Variants in PTPRT observed in about 807,000 individuals in gnomAD.
PTPRT encodes receptor-type tyrosine-protein phosphatase T.
Under a neutral mutation model 176.8 loss-of-function variants are expected in PTPRT, and 56 were observed. That is an observed-to-expected ratio of 0.32 (90% CI 0.26 to 0.40). The LOEUF is 0.40. Among genes scored for constraint, PTPRT ranks in the 10% least tolerant of loss-of-function variants. PTPRT has a pLI of 1.00. For missense variants in PTPRT, 1,540 were observed against 1,908.2 expected, an observed-to-expected ratio of 0.81 and a Z score of 3.60; for synonymous variants, 783 against 739.0, an observed-to-expected ratio of 1.06 and a Z score of -0.96.
Position 42,472,504 on chromosome 20 carries a change from G to A in PTPRT, c.1212C>T (p.Thr404=), listed in dbSNP as rs2071216310. 3.1e-6 allele frequency: 5 copies of A among 1,614,210 alleles called. No homozygotes were observed. The Admixed American group carries it at 6.7e-5, about 22-fold the overall frequency. Reference sequence around the variant, plus strand: ...CGTAGCCGAAGGGCTCCCACTGCAGGGTCAGCTGCCGGGCTCTGATGTCTA... The same window carrying A: ...CGTAGCCGAAGGGCTCCCACTGCAGAGTCAGCTGCCGGGCTCTGATGTCTA... ...EIVDIRARQL[T]LQWEPFGYAV... is the part of the protein sequence containing the mutation. Residue 404 remains threonine (T), a synonymous_variant, in exon 8 of 31, where the codon ACC becomes ACT. Coordinates refer to ENST00000373187, the MANE Select transcript of PTPRT (RefSeq NM_007050.6).
At chr20:42,118,929 C>A (rs759766490) in intron 20 of PTPRT, among the ~76,000 whole-genome samples, 2 of 145,696 alleles carry the variant, frequency 1.4e-5, no homozygotes, top group Admixed American at 1.4e-4. Flanking sequence ...GGGTGCCAGA[C>A]GCTGAGAACA....
At chr20:43,032,220 G>C (rs943591349) in intron 1 of PTPRT, among the ~76,000 whole-genome samples, 2 of 152,106 alleles carry the variant, frequency 1.3e-5, no homozygotes, top group East Asian at 3.9e-4. Context: ...TCAACACAGA[G>C]TGAAACAAAA....
At chr20:43,168,695 C>A (rs1219872545) in intron 1 of PTPRT, among the ~76,000 whole-genome samples, 1 of 152,124 alleles carries the variant, frequency 6.6e-6, no homozygotes, top group African/African-American at 2.4e-5. Context: ...AAACCATGTG[C>A]CCTGCCCCAC....
intron 1 of PTPRT, among the ~76,000 whole-genome samples, chr20:43,081,878 T>A (rs1352412223): frequency 6.6e-6 from 1 of 152,204 alleles, no homozygotes; most frequent in Non-Finnish European, 1.5e-5. Context: ...CAATGGAGAT[T>A]ATCTATTTAC....
chr20:42,055,489 C>T, the PTPRT span, among the ~76,000 whole-genome samples: 3 of 152,172 alleles, frequency 2.0e-5, no homozygotes, highest in Admixed American at 1.3e-4. Context: ...GCCAGGCCAG[C>T]AGTATTTGTT....
intron 1 of PTPRT, among the ~76,000 whole-genome samples, chr20:42,964,236 G>A (rs1982165417): frequency 6.6e-6 from 1 of 152,094 alleles, no homozygotes; most frequent in African/African-American, 2.4e-5. Flanking sequence ...CAAAAATCAA[G>A]TGTATCGAAA....
intron 1 of PTPRT, among the ~76,000 whole-genome samples, chr20:43,064,284 A>G (rs1211546685): frequency 1.3e-5 from 2 of 152,180 alleles, no homozygotes; most frequent in Non-Finnish European, 2.9e-5. Context: ...TGAATTTCAC[A>G]GACCTATAGG....
intron 5 of PTPRT, among the ~76,000 whole-genome samples, chr20:42,769,110 G>C (rs765848233): frequency 6.6e-6 from 1 of 152,208 alleles, no homozygotes; most frequent in Non-Finnish European, 1.5e-5. Flanking sequence ...CTGAGGTGAC[G>C]TGGAGGTTTC....
At chr20:42,738,041 C>A (rs1010912725) in intron 6 of PTPRT, among the ~76,000 whole-genome samples, 7 of 152,096 alleles carry the variant, frequency 4.6e-5, no homozygotes, top group Non-Finnish European at 8.8e-5. Context: ...TCACTGTGCT[C>A]ACTTTGTAGA....
intron 1 of PTPRT, among the ~76,000 whole-genome samples, chr20:43,087,034 T>G (rs2011625623): frequency 6.6e-6 from 1 of 152,270 alleles, no homozygotes; most frequent in Non-Finnish European, 1.5e-5. Context: ...ATCACTTTCT[T>G]AAATTCATGC....
intron 6 of PTPRT, among the ~76,000 whole-genome samples, chr20:42,716,013 G>A (rs1200512564): frequency 1.3e-5 from 2 of 152,040 alleles, no homozygotes; most frequent in Non-Finnish European, 2.9e-5. Flanking sequence ...AAAATACATT[G>A]TTTAAAAAGT....
At chr20:42,102,053 C>A in intron 26 of PTPRT, 71 bp downstream of exon 26, 1 of 1,546,848 alleles carries the variant, frequency 6.5e-7, no homozygotes, top group South Asian at 1.2e-5. Context: ...TGAGGTCCAG[C>A]CACCTCCACC....
chr20:43,072,526 A>G lies in PTPRT; in HGVS notation c.88+117120T>C, dbSNP rs6030630. Among the ~76,000 whole-genome samples, 335 of 152,362 alleles carry G rather than the reference A, an allele frequency of 2.2e-3. 4 individuals are homozygous for G. The highest frequency in any genetic ancestry group is 7.7e-3 in the African/African-American group (321 of 41,598). ...GCTGAATGTGAAATAAACACAAAAT[A>G]AAATCTGGCTGCAAACCTTAGCTCT... On this transcript the variant is annotated intron_variant, in intron 1 of 30. Coordinates refer to ENST00000373187, the MANE Select transcript of PTPRT (RefSeq NM_007050.6).
chr20:42,566,019 G>T (rs942282808), intron 7 of PTPRT, among the ~76,000 whole-genome samples: 1 of 152,110 alleles, frequency 6.6e-6, no homozygotes, highest in African/African-American at 2.4e-5. Context: ...CTCAGCTAGA[G>T]AGTATATTTC....
chr20:42,372,268 T>G (rs890806249), intron 9 of PTPRT, among the ~76,000 whole-genome samples: 5 of 143,050 alleles, frequency 3.5e-5, no homozygotes, highest in African/African-American at 1.3e-4. Context: ...GAAGACAGGG[T>G]TTTCTTAACT....
chr20:42,160,509 C>CT (rs1989546487), intron 17 of PTPRT, among the ~76,000 whole-genome samples: 1 of 107,868 alleles, frequency 9.3e-6, no homozygotes, highest in Non-Finnish European at 1.7e-5. Flanking sequence ...ACGTGGTGCC[C>CT]TTTGTCTGGA....
intron 9 of PTPRT, among the ~76,000 whole-genome samples, chr20:42,443,651 G>A (rs1003484172): frequency 1.1e-4 from 16 of 152,222 alleles, no homozygotes; most frequent in African/African-American, 3.4e-4. Flanking sequence ...AGAATGAGAC[G>A]GTTTCATAGC....
chr20:42,894,584 A>G (rs2079260622), intron 1 of PTPRT, among the ~76,000 whole-genome samples: 1 of 152,184 alleles, frequency 6.6e-6, no homozygotes, highest in African/African-American at 2.4e-5. Context: ...GTGGCTTTGA[A>G]CCCAGACTAG....
chr20:43,064,865 C>A (rs1405197831), intron 1 of PTPRT, among the ~76,000 whole-genome samples: 1 of 152,212 alleles, frequency 6.6e-6, no homozygotes, highest in Non-Finnish European at 1.5e-5. Flanking sequence ...TAAATCCCAA[C>A]CCTTGGTTGA....
Sources: allele counts gnomAD v4.1 joint callset (sites outside exome capture counted in the v4.1 genomes callset), GRCh38; gene constraint gnomAD v4.1.1; transcripts MANE v1.5; gene names NCBI Gene and HGNC (gene_info 2026-07-23, HGNC 2026-07-21).